The following ABL1 variants were observed in gnomAD, a reference collection of about 807,000 sequenced individuals.
The protein encoded by ABL1 is ABL proto-oncogene 1, non-receptor tyrosine kinase.
Under a neutral mutation model 94.7 loss-of-function variants are expected in ABL1, and 11 were observed. The ratio of observed to expected loss-of-function variants is 0.12; its 90% CI spans 0.07 to 0.19. The LOEUF (loss-of-function observed/expected upper bound fraction) is 0.19. Ranked by LOEUF, ABL1 falls within the 10% of genes least tolerant of loss-of-function variation. The pLI, the probability that ABL1 is intolerant of heterozygous loss-of-function variation, is 1.00. For missense variants in ABL1, 1,082 were observed against 1,489.4 expected, an observed-to-expected ratio of 0.73 and a Z score of 4.50; for synonymous variants, 656 against 622.4, an observed-to-expected ratio of 1.05 and a Z score of -0.80.
chr9:130,722,695 A>G (rs1392884535), intron 1 of ABL1, among the ~76,000 whole-genome samples: 1 of 152,192 alleles, frequency 6.6e-6, no homozygotes, highest in African/African-American at 2.4e-5. Flanking sequence ...TGTTTCCAAT[A>G]GTCTAATACA....
At chr9:130,752,729 C>T (rs1424055399) in intron 1 of ABL1, among the ~76,000 whole-genome samples, 2 of 151,974 alleles carry the variant, frequency 1.3e-5, no homozygotes, top group Non-Finnish European at 2.9e-5. Context: ...GAGGCTGAGG[C>T]GGACAGATCA....
At position 130,814,285 on chromosome 9, in the gene ABL1, CA is replaced by C. The variant is rs34978348; in HGVS notation, c.137-39769del. On this transcript the variant is annotated intron_variant, in intron 1 of 10. Coordinates refer to the ABL1 transcript ENST00000372348. This position sits in a 1 kb window ranked among gnomAD's most constrained non-coding sequence, Gnocchi z 4.4. ...CTAGCGACAGAACGAGACTCCGTCT[CA>C]AAAAAAAAAGAAAGAAAGAAAGAAA... Among the ~76,000 whole-genome samples the C allele has an allele frequency of 0.039, 5,369 of 138,106 alleles. 308 individuals carry two copies. The highest frequency in any genetic ancestry group is 0.13 in the African/African-American group (5,029 of 38,678). The allele number at this position is 138,106 out of a possible 152,430, so 90.6% of individuals were successfully genotyped here. A position where few individuals can be genotyped will look rare whatever the true frequency, so the allele number is the denominator to read the frequency against.
chr9:130,826,494 A>T (rs897119736), intron 1 of ABL1, among the ~76,000 whole-genome samples: 2 of 152,202 alleles, frequency 1.3e-5, no homozygotes, highest in African/African-American at 4.8e-5. Flanking sequence ...GTAGGGGATA[A>T]GAAAGGCAAA....
chr9:130,798,681 A>AG (rs975328809), intron 1 of ABL1, among the ~76,000 whole-genome samples: 18 of 151,974 alleles, frequency 1.2e-4, no homozygotes, highest in African/African-American at 2.2e-4. Flanking sequence ...AGGAATTGGA[A>AG]GGGGGGGCCG....
intron 1 of ABL1, among the ~76,000 whole-genome samples, chr9:130,727,011 C>T (rs4740201): frequency 0.22 from 33,412 of 152,070 alleles, 4,724 homozygotes; most frequent in East Asian, 0.52. Flanking sequence ...TCATTGTGGT[C>T]AGAGAACATC....
chr9:130,848,994 A>T (rs533639138), intron 1 of ABL1, among the ~76,000 whole-genome samples: 54 of 152,182 alleles, frequency 3.5e-4, no homozygotes, highest in Non-Finnish European at 7.1e-4. Flanking sequence ...CACCACCCTG[A>T]GTTAACTACT....
chr9:130,847,802 T>C (rs553242486), intron 1 of ABL1, among the ~76,000 whole-genome samples: 1 of 152,202 alleles, frequency 6.6e-6, no homozygotes, highest in Non-Finnish European at 1.5e-5. Flanking sequence ...GGCCCTTTCC[T>C]TCCTAACAAA....
intron 4 of ABL1, among the ~76,000 whole-genome samples, chr9:130,865,332 T>A (rs1450802387): frequency 6.6e-6 from 1 of 152,340 alleles, no homozygotes; most frequent in African/African-American, 2.4e-5. Flanking sequence ...AATACGGTAC[T>A]AAGCAACTGC....
intron 1 of ABL1, among the ~76,000 whole-genome samples, chr9:130,804,990 T>C (rs1031132104): frequency 2.6e-5 from 4 of 152,254 alleles, no homozygotes; most frequent in Non-Finnish European, 4.4e-5. Context: ...TATCTCCTCA[T>C]AAGGTTTTCT....
chr9:130,886,556 T>C lies in ABL1; in HGVS notation c.*873T>C. On this transcript the variant is annotated 3_prime_UTR_variant, in exon 11 of 11. Transcript: ENST00000318560. ...GGCAGGGGACAAGGGAGGCAGTGGC[T>C]AGTGGGGTGAACAGCTGGTGCCAAA... 1 of 233,440 alleles carries C rather than the reference T, an allele frequency of 4.3e-6. No individual in the cohort carries two copies. The highest frequency in any genetic ancestry group is 8.5e-6 in the Non-Finnish European group (1 of 117,996). The allele number at this position is 233,440 out of a possible 1,614,324, so 14.5% of individuals were successfully genotyped here. A position where few individuals can be genotyped will look rare whatever the true frequency, so the allele number is the denominator to read the frequency against.
Position 130,880,308 on chromosome 9 carries a change from C to A in ABL1, c.1513+151C>A. On this transcript the variant is annotated intron_variant, in intron 9 of 10. Coordinates refer to ENST00000318560, the MANE Select transcript of ABL1 (RefSeq NM_005157.6). This position sits in a 1 kb window ranked among gnomAD's most constrained non-coding sequence, Gnocchi z 4.4. ...CTGGGCAGAGGTGTGGAGTATTGTG[C>A]TTTCTTGTCTGCTGCAGCCCTGCAG... 9.2e-7 allele frequency: 1 copy of A among 1,091,108 alleles called. No individual in the cohort carries two copies. The highest frequency in any genetic ancestry group is 1.4e-6 in the Non-Finnish European group (1 of 739,644). 67.6% of individuals were successfully genotyped at this position (1,091,108 alleles called of 1,614,324 possible). A position where few individuals can be genotyped will look rare whatever the true frequency, so the allele number is the denominator to read the frequency against.
Position 130,862,752 on chromosome 9 carries a change from G to GT in ABL1, c.550-8dup, listed in dbSNP as rs869199784. 6 of 1,611,814 alleles carry GT rather than the reference G, an allele frequency of 3.7e-6. No individual in the cohort carries two copies. In the South Asian group the frequency reaches 4.4e-5, roughly 12 times the overall value. Reference sequence around the variant, plus strand: ...CTCTGTGGGCTGAAGGCTGTTCCCTGTTTCCTTCAGCTCTACGTCTCCTCC... The same window carrying GT: ...CTCTGTGGGCTGAAGGCTGTTCCCTGTTTTCCTTCAGCTCTACGTCTCCTCC... On this transcript the variant is annotated splice_polypyrimidine_tract_variant and intron_variant, in intron 3 of 10. Coordinates refer to ENST00000318560, the MANE Select transcript of ABL1 (RefSeq NM_005157.6). The surrounding 1 kb of genome is among the most constrained non-coding windows in gnomAD (Gnocchi z 5.5).
chr9:130,786,767 A>G (rs959954715), intron 1 of ABL1, among the ~76,000 whole-genome samples: 1 of 152,194 alleles, frequency 6.6e-6, no homozygotes, highest in East Asian at 1.9e-4. Flanking sequence ...GCCAACACAA[A>G]CAGTACTGCA....
intron 1 of ABL1, among the ~76,000 whole-genome samples, chr9:130,742,216 G>A (rs1246663040): frequency 6.6e-6 from 1 of 152,132 alleles, no homozygotes; most frequent in Non-Finnish European, 1.5e-5. Flanking sequence ...CCTAACTGTG[G>A]TGGATGCCAT....
At chr9:130,732,697 G>A (rs1160962993) in intron 1 of ABL1, among the ~76,000 whole-genome samples, 1 of 152,020 alleles carries the variant, frequency 6.6e-6, no homozygotes, top group African/African-American at 2.4e-5. Flanking sequence ...CTTTTCCCCA[G>A]CTTGTGGTAA....
chr9:130,880,940 C>T lies in ABL1; in HGVS notation c.1678+276C>T, dbSNP rs913388494. 9.9e-5 allele frequency among the ~76,000 whole-genome samples: 15 copies of T among 152,186 alleles called. No individual in the cohort carries two copies. Among genetic ancestry groups the T allele is most frequent in the South Asian group, 6.2e-4 (3 of 4,830 alleles). ...TCTGAAGCCCGCCAAGGAGCTAGCC[C>T]ATCTCCCACCTATTACCCGCGGCAT... On this transcript the variant is annotated intron_variant, in intron 10 of 10. Coordinates refer to ENST00000318560, the MANE Select transcript of ABL1 (RefSeq NM_005157.6). The surrounding 1 kb of genome is among the most constrained non-coding windows in gnomAD (Gnocchi z 4.4).
intron 1 of ABL1, among the ~76,000 whole-genome samples, chr9:130,805,627 G>T (rs997098285): frequency 4.6e-5 from 7 of 152,212 alleles, no homozygotes; most frequent in African/African-American, 1.7e-4. Flanking sequence ...GAGATAGGAA[G>T]GGCCAGTTCC....
chr9:130,746,291 A>T (rs573483469), intron 1 of ABL1, among the ~76,000 whole-genome samples: 76 of 151,368 alleles, frequency 5.0e-4, no homozygotes, highest in African/African-American at 1.4e-3. Flanking sequence ...TTATTTTTTT[A>T]AATTTTATTT....
At chr9:130,859,609 C>G (rs532756910) in intron 3 of ABL1, among the ~76,000 whole-genome samples, 3 of 146,290 alleles carry the variant, frequency 2.1e-5, no homozygotes, top group Non-Finnish European at 4.5e-5. Context: ...AAAGGTTGCA[C>G]AAGTCTAAGC....
Sources: allele counts gnomAD v4.1 joint callset (sites outside exome capture counted in the v4.1 genomes callset), GRCh38; gene constraint gnomAD v4.1.1; non-coding constraint Gnocchi (gnomAD v3.1); transcripts MANE v1.5; gene names NCBI Gene and HGNC (gene_info 2026-07-23, HGNC 2026-07-21).